SYNRG: variants seen among roughly 807,000 people sequenced by gnomAD.
The protein encoded by SYNRG is AP1 gamma subunit binding protein 1.
In SYNRG, 37 loss-of-function variants were observed where a neutral mutation model predicts 130.9. The ratio of observed to expected loss-of-function variants is 0.28; its 90% CI spans 0.22 to 0.37. The LOEUF is 0.37. SYNRG is among the 10% of genes least tolerant of loss of function. SYNRG has a pLI of 1.00. For synonymous variants in SYNRG, 539 were observed against 568.1 expected, an observed-to-expected ratio of 0.95 and a Z score of 0.73; for missense variants, 1,338 against 1,588.9, an observed-to-expected ratio of 0.84 and a Z score of 2.68.
At chr17:37,568,650 A>G (rs1373430627) in intron 11 of SYNRG, 141 bp downstream of exon 11, 3 of 904,484 alleles carry the variant, frequency 3.3e-6, no homozygotes, top group African/African-American at 3.4e-5. Context: ...AAGTAAAAGT[A>G]TTAATACAGA....
In SYNRG at chr17:37,519,086, C is replaced by T; in HGVS notation, c.3814-15G>A. ...GAGTTGAATGCCTGCCAGAAATAAACAGAGATGTGGGGCAAGTCAGGCTTT... is the reference window on the plus strand; with the variant it reads ...GAGTTGAATGCCTGCCAGAAATAAATAGAGATGTGGGGCAAGTCAGGCTTT... On this transcript the variant is annotated splice_polypyrimidine_tract_variant and intron_variant, in intron 21 of 21. Coordinates refer to ENST00000612223, the MANE Select transcript of SYNRG (RefSeq NM_007247.6). 6.2e-7 allele frequency: 1 copy of T among 1,611,118 alleles called. No individual in the cohort carries two copies. The highest frequency in any genetic ancestry group is 1.1e-5 in the South Asian group (1 of 90,948).
intron 14 of SYNRG, among the ~76,000 whole-genome samples, chr17:37,543,084 CATA>C (rs1484579780): frequency 2.0e-5 from 3 of 152,134 alleles, no homozygotes; most frequent in Non-Finnish European, 4.4e-5. Flanking sequence ...GGGTTTCTGT[CATA>C]ATATTATCAA....
chr17:37,520,117 A>G, intron 21 of SYNRG, 62 bp downstream of exon 21: 1 of 1,568,106 alleles, frequency 6.4e-7, no homozygotes, highest in Non-Finnish European at 8.8e-7. Flanking sequence ...GAATCATCCA[A>G]TTTGCCCTCC....
rs2062100544 is a variant in SYNRG at position 37,590,725 on chromosome 17, AGCCTG to A, written c.241-4181_241-4177del. ...TGCTTGAGGTCAGGAGTTCGAGACC[AGCCTG>A]GCCGACATGGTGAAACCCCATCTCT... On this transcript the variant is annotated intron_variant, in intron 3 of 21. Coordinates refer to ENST00000612223, the MANE Select transcript of SYNRG (RefSeq NM_007247.6). 2.0e-5 allele frequency among the ~76,000 whole-genome samples: 3 copies of A among 152,260 alleles called. No individual in the cohort carries two copies. In the South Asian group the frequency reaches 6.2e-4, roughly 32 times the overall value.
intron 14 of SYNRG, among the ~76,000 whole-genome samples, chr17:37,548,793 C>T (rs1477290402): frequency 2.7e-4 from 39 of 146,478 alleles, no homozygotes; most frequent in Non-Finnish European, 1.2e-4. Context: ...CCATTCCACT[C>T]CAGCCTGGGT....
At chr17:37,580,825 G>A (rs1314238040) in intron 6 of SYNRG, among the ~76,000 whole-genome samples, 5 of 151,800 alleles carry the variant, frequency 3.3e-5, no homozygotes, top group Admixed American at 2.0e-4. Context: ...GAGTCCCCAC[G>A]CCCAGCCCAA....
At chr17:37,573,659 T>C (rs1327799441) in intron 8 of SYNRG, among the ~76,000 whole-genome samples, 1 of 152,184 alleles carries the variant, frequency 6.6e-6, no homozygotes, top group African/African-American at 2.4e-5. Flanking sequence ...CATACTATTT[T>C]GGTAACAGCC....
chr17:37,578,293 T>C (rs1014246702), intron 6 of SYNRG, among the ~76,000 whole-genome samples: 9 of 151,030 alleles, frequency 6.0e-5, no homozygotes, highest in Non-Finnish European at 1.2e-4. Flanking sequence ...ATCACGCCAC[T>C]GCACTCCAGC....
chr17:37,559,343 C>G (rs1197210570), intron 13 of SYNRG, among the ~76,000 whole-genome samples: 1 of 151,666 alleles, frequency 6.6e-6, no homozygotes, highest in Non-Finnish European at 1.5e-5. Context: ...TAAAAAAAAC[C>G]AAATAATAAT....
At chr17:37,579,988 C>T (rs2061165163) in intron 6 of SYNRG, among the ~76,000 whole-genome samples, 1 of 152,058 alleles carries the variant, frequency 6.6e-6, no homozygotes, top group South Asian at 2.1e-4. Context: ...ATAATTTTTC[C>T]CCTGAGACCA....
intron 14 of SYNRG, among the ~76,000 whole-genome samples, chr17:37,548,856 C>T (rs1030070540): frequency 1.4e-5 from 2 of 144,606 alleles, no homozygotes; most frequent in African/African-American, 5.2e-5. Context: ...CACAAAAAAA[C>T]GGGCGTGGTG....
chr17:37,529,537 A>AT (rs766793795), intron 19 of SYNRG, among the ~76,000 whole-genome samples: 1 of 48,082 alleles, frequency 2.1e-5, no homozygotes, highest in Non-Finnish European at 6.3e-5. Context: ...TATATATTTT[A>AT]CAAAAAAAAA....
chr17:37,568,633 G>T, intron 11 of SYNRG, 158 bp downstream of exon 11: 1 of 744,614 alleles, frequency 1.3e-6, no homozygotes, highest in Non-Finnish European at 2.0e-6. Flanking sequence ...GGGGAGAGAA[G>T]TTTGAAAAGT....
In SYNRG at chr17:37,553,242, G is replaced by A. The variant is rs778161899; in HGVS notation, c.2481C>T (p.Asp827=). The A allele has an allele frequency of 6.2e-7, 1 of 1,614,000 alleles. No homozygotes were observed. The highest frequency in any genetic ancestry group is 8.5e-7 in the Non-Finnish European group (1 of 1,179,986). ...SIGGSSVGKE[D]SEDALSVQFD... is the part of the protein sequence containing the mutation. ...ACTGAACAGAGAGTGCATCTTCAGA[G>A]TCCTCCTTGCCAACACTGCTGCCAC... is the stretch of plus-strand genomic sequence containing the variant. The change falls in exon 14 of 22, where the codon GAC becomes GAT. Residue 827 remains aspartate (D), a synonymous_variant. Coordinates refer to ENST00000612223, the MANE Select transcript of SYNRG (RefSeq NM_007247.6).
chr17:37,521,845 G>T (rs114987157), intron 19 of SYNRG, among the ~76,000 whole-genome samples: 1 of 152,082 alleles, frequency 6.6e-6, no homozygotes, highest in Non-Finnish European at 1.5e-5. Flanking sequence ...GAGGTTGGGG[G>T]ACCCGGGCAG....
intron 19 of SYNRG, among the ~76,000 whole-genome samples, chr17:37,522,935 G>A (rs1411455858): frequency 6.6e-6 from 1 of 152,006 alleles, no homozygotes; most frequent in Non-Finnish European, 1.5e-5. Context: ...CACCGTGCCT[G>A]GCCACACACT....
At chr17:37,565,655 C>G (rs867458428) in intron 11 of SYNRG, among the ~76,000 whole-genome samples, 1 of 151,626 alleles carries the variant, frequency 6.6e-6, no homozygotes, top group African/African-American at 2.4e-5. Context: ...CTCTGCCCGG[C>G]CACCCATCGT....
In SYNRG at chr17:37,525,749, C is replaced by CCT. The variant is rs533874385; in HGVS notation, c.3667-5102_3667-5101insAG. ...TTGGGAGGCCAAGGCGGGCGGATCA[C>CCT]GAGGTCAGGCTTTGGAGACCAGCCT... is the stretch of plus-strand genomic sequence containing the variant. On this transcript the variant is annotated intron_variant, in intron 19 of 21. Transcript: ENST00000612223. 6.9e-3 allele frequency among the ~76,000 whole-genome samples: 1,058 copies of CCT among 152,248 alleles called. 14 individuals carry two copies. Among genetic ancestry groups the CCT allele is most frequent in the African/African-American group, 0.024 (1,002 of 41,538 alleles).
chr17:37,537,320 G>A (rs1027394394), intron 18 of SYNRG: 1 of 152,318 alleles, frequency 6.6e-6, no homozygotes, highest in Admixed American at 6.5e-5. Flanking sequence ...TCTAGTGAAG[G>A]GAGACAGAGA....
Sources: gnomAD v4.1 joint callset for allele counts (sites outside exome capture counted in the v4.1 genomes callset) on GRCh38, gnomAD v4.1.1 for gene constraint, MANE v1.5 for transcripts, NCBI Gene and HGNC (gene_info 2026-07-23, HGNC 2026-07-21) for gene names.